Variants in SEMA3E observed in about 807,000 individuals in gnomAD.
The protein encoded by SEMA3E is semaphorin 3E, also known as semaphorin-3E.
Under a neutral mutation model 93.6 loss-of-function variants are expected in SEMA3E, and 49 were observed. The ratio of observed to expected loss-of-function variants is 0.52; its 90% confidence interval spans 0.42 to 0.66. SEMA3E has a LOEUF of 0.66. SEMA3E is among the 30% of genes least tolerant of loss of function. The pLI, the probability that SEMA3E is intolerant of heterozygous loss-of-function variation, is 0.00. For missense variants in SEMA3E, 906 were observed against 964.8 expected, an observed-to-expected ratio of 0.94 and a Z score of 0.81; for synonymous variants, 363 against 330.7, an observed-to-expected ratio of 1.10 and a Z score of -1.06.
At chr7:83,460,342 A>G (rs992617247) in intron 4 of SEMA3E, among the ~76,000 whole-genome samples, 7 of 151,706 alleles carry the variant, frequency 4.6e-5, no homozygotes, top group Non-Finnish European at 1.0e-4. Context: ...CCACTCTTCA[A>G]TCTCTCCCTT....
chr7:83,640,292 T>C (rs553025300), intron 1 of SEMA3E, among the ~76,000 whole-genome samples: 1 of 152,178 alleles, frequency 6.6e-6, no homozygotes, highest in African/African-American at 2.4e-5. Context: ...TTCCCTAAAT[T>C]AAAGCTCAAA....
At chr7:83,380,889 C>T (rs555380354) in intron 16 of SEMA3E, among the ~76,000 whole-genome samples, 25 of 151,962 alleles carry the variant, frequency 1.6e-4, no homozygotes, top group Non-Finnish European at 3.4e-4. Context: ...AGATGCTAAA[C>T]AGCCTTCACA....
intron 16 of SEMA3E, among the ~76,000 whole-genome samples, chr7:83,376,130 G>A (rs1794819053): frequency 6.6e-6 from 1 of 152,006 alleles, no homozygotes; most frequent in Admixed American, 6.6e-5. Flanking sequence ...TGAGGCAAGA[G>A]TTCATGCACT....
At chr7:83,467,595 T>G (rs1318630517) in intron 3 of SEMA3E, among the ~76,000 whole-genome samples, 1 of 152,240 alleles carries the variant, frequency 6.6e-6, no homozygotes, top group Non-Finnish European at 1.5e-5. Context: ...ATCTGGTCTC[T>G]GTTGCAACTA....
intron 11 of SEMA3E, among the ~76,000 whole-genome samples, chr7:83,398,464 G>T (rs1453871186): frequency 1.3e-5 from 2 of 152,118 alleles, no homozygotes; most frequent in African/African-American, 2.4e-5. Flanking sequence ...CACTATGAGT[G>T]AATTTATGGC....
chr7:83,483,678 C>A (rs1380400805), intron 2 of SEMA3E, among the ~76,000 whole-genome samples: 1 of 151,584 alleles, frequency 6.6e-6, no homozygotes, highest in Non-Finnish European at 1.5e-5. Flanking sequence ...AAGCTGGGAC[C>A]CAGAGCATGG....
intron 13 of SEMA3E, among the ~76,000 whole-genome samples, chr7:83,393,957 A>G (rs1788067926): frequency 6.6e-6 from 1 of 152,216 alleles, no homozygotes; most frequent in African/African-American, 2.4e-5. Flanking sequence ...ATAGAGATAG[A>G]AAATGAAAAC....
chr7:83,485,884 GTAT>G (rs1324368853), intron 2 of SEMA3E, among the ~76,000 whole-genome samples: 1 of 152,026 alleles, frequency 6.6e-6, no homozygotes, highest in African/African-American at 2.4e-5. Flanking sequence ...TGTATGTTAT[GTAT>G]ATCCTTTTCT....
rs3839769 is a variant in SEMA3E at position 83,418,631 on chromosome 7, TG to T, written c.457-149del. ...AGCATCAATTTATTTAGAGACAAAC[TG>T]GGTTTTATAAATAAGCACATGTGTT... On this transcript the variant is annotated intron_variant, in intron 4 of 16. Transcript: ENST00000643230. 9.7e-4 allele frequency: 681 copies of T among 699,612 alleles called. 6 individuals carry two copies. The East Asian group carries it at 0.018, about 18-fold the overall frequency. 43.3% of individuals were successfully genotyped at this position (699,612 alleles called of 1,614,324 possible).
At chr7:83,466,192 A>G (rs1159671332) in intron 4 of SEMA3E, among the ~76,000 whole-genome samples, 2 of 152,238 alleles carry the variant, frequency 1.3e-5, no homozygotes, top group Non-Finnish European at 1.5e-5. Flanking sequence ...AAATATTAAT[A>G]TAACACAATA....
intron 1 of SEMA3E, among the ~76,000 whole-genome samples, chr7:83,589,311 C>A (rs1168620677): frequency 6.6e-6 from 1 of 151,820 alleles, no homozygotes; most frequent in Non-Finnish European, 1.5e-5. Flanking sequence ...TCTTTCCTAC[C>A]TGAGATTATT....
intron 1 of SEMA3E, among the ~76,000 whole-genome samples, chr7:83,569,605 G>C (rs908604532): frequency 3.3e-5 from 5 of 152,124 alleles, no homozygotes; most frequent in Admixed American, 6.5e-5. Flanking sequence ...AGATAAAGTA[G>C]ATGTTAACCA....
chr7:83,429,286 A>G (rs1328814579), intron 4 of SEMA3E, among the ~76,000 whole-genome samples: 1 of 152,174 alleles, frequency 6.6e-6, no homozygotes, highest in Admixed American at 6.5e-5. Flanking sequence ...GCTATATTTG[A>G]AGGCAAAATT....
intron 4 of SEMA3E, among the ~76,000 whole-genome samples, chr7:83,454,494 T>C (rs913033427): frequency 7.2e-5 from 11 of 151,896 alleles, no homozygotes; most frequent in Non-Finnish European, 1.5e-4. Context: ...ATGGCTATAA[T>C]GATCTCAGTT....
intron 1 of SEMA3E, among the ~76,000 whole-genome samples, chr7:83,513,322 T>G (rs537620917): frequency 6.6e-6 from 1 of 152,274 alleles, no homozygotes; most frequent in South Asian, 2.1e-4. Flanking sequence ...TTGACAAATT[T>G]CCTGGACAGC....
intron 1 of SEMA3E, among the ~76,000 whole-genome samples, chr7:83,548,502 T>C (rs968716184): frequency 1.3e-5 from 2 of 152,078 alleles, no homozygotes; most frequent in African/African-American, 4.8e-5. Context: ...GTCGTGTGCA[T>C]TATTGAGATT....
chr7:83,578,918 T>C (rs572810955), intron 1 of SEMA3E, among the ~76,000 whole-genome samples: 1 of 152,124 alleles, frequency 6.6e-6, no homozygotes, highest in East Asian at 1.9e-4. Context: ...CTTTGAATAA[T>C]AAAAATTACA....
chr7:83,527,320 C>T (rs931919782), intron 1 of SEMA3E, among the ~76,000 whole-genome samples: 2 of 152,138 alleles, frequency 1.3e-5, no homozygotes, highest in Non-Finnish European at 2.9e-5. Flanking sequence ...ACTTGTGGTA[C>T]TTTGTTATGG....
chr7:83,452,264 T>C (rs1385494993), intron 4 of SEMA3E, among the ~76,000 whole-genome samples: 1 of 152,140 alleles, frequency 6.6e-6, no homozygotes, highest in Non-Finnish European at 1.5e-5. Flanking sequence ...CAAAGATGGC[T>C]TTGGAGCATT....
Sources: gnomAD v4.1 joint callset for allele counts (sites outside exome capture counted in the v4.1 genomes callset) on GRCh38, gnomAD v4.1.1 for gene constraint, MANE v1.5 for transcripts, NCBI Gene and HGNC (gene_info 2026-07-23, HGNC 2026-07-21) for gene names.